The following DLG5 variants were observed in gnomAD, a reference collection of about 807,000 sequenced individuals.
DLG5 encodes discs large MAGUK scaffold protein 5.
DLG5 carries 48 observed loss-of-function variants against 189.8 expected under a neutral mutation model. That is an observed-to-expected ratio of 0.25 (90% CI 0.20 to 0.32). The LOEUF (loss-of-function observed/expected upper bound fraction) is 0.32, where lower values mean the gene tolerates loss of function less well. DLG5 is among the 10% of genes least tolerant of loss of function. The pLI, the probability that DLG5 is intolerant of heterozygous loss-of-function variation, is 1.00. For synonymous variants in DLG5, 1,016 were observed against 1,054.1 expected, an observed-to-expected ratio of 0.96 and a Z score of 0.70; for missense variants, 2,160 against 2,544.7, an observed-to-expected ratio of 0.85 and a Z score of 3.25.
At chr10:77,896,417 G>A (rs1845760751) in intron 1 of DLG5, among the ~76,000 whole-genome samples, 1 of 152,242 alleles carries the variant, frequency 6.6e-6, no homozygotes, top group African/African-American at 2.4e-5. Context: ...GGTGTGTCAT[G>A]TAGGAATATG....
intron 23 of DLG5, among the ~76,000 whole-genome samples, chr10:77,810,366 T>C (rs924266425): frequency 6.6e-6 from 1 of 152,206 alleles, no homozygotes; most frequent in African/African-American, 2.4e-5. Context: ...GTATAGAGAA[T>C]GCAGAGCTGG....
chr10:77,799,912 G>A (rs532491743), intron 27 of DLG5, among the ~76,000 whole-genome samples: 1 of 152,220 alleles, frequency 6.6e-6, no homozygotes, highest in South Asian at 2.1e-4. Context: ...TGCCTGGCCT[G>A]TGGTATTTGG....
intron 5 of DLG5, among the ~76,000 whole-genome samples, chr10:77,850,407 A>C (rs532742271): frequency 6.5e-4 from 99 of 152,376 alleles, no homozygotes; most frequent in African/African-American, 2.4e-3. Flanking sequence ...ATAATATTCC[A>C]TTGTATGGAT....
intron 1 of DLG5, among the ~76,000 whole-genome samples, chr10:77,890,847 G>C (rs1845586107): frequency 6.6e-6 from 1 of 152,114 alleles, no homozygotes; most frequent in African/African-American, 2.4e-5. Flanking sequence ...CAGCTCTCCA[G>C]CCGCAGAATA....
intron 16 of DLG5, 172 bp downstream of exon 16, chr10:77,819,723 G>T: frequency 8.3e-7 from 1 of 1,200,144 alleles, no homozygotes. Context: ...GCTAAGACAT[G>T]TCATGGCTAT....
At chr10:77,852,301 G>A (rs1267143932) in intron 5 of DLG5, among the ~76,000 whole-genome samples, 3 of 152,030 alleles carry the variant, frequency 2.0e-5, no homozygotes, top group South Asian at 2.1e-4. Flanking sequence ...AACCCAGGAC[G>A]CAGAGGTTGC....
At chr10:77,819,211 G>T in intron 17 of DLG5, 110 bp downstream of exon 17, 1 of 1,510,962 alleles carries the variant, frequency 6.6e-7, no homozygotes. Flanking sequence ...CCCCTCCCAG[G>T]CAGGCAAGGA....
chr10:77,904,465 G>A (rs1846016610), intron 1 of DLG5, among the ~76,000 whole-genome samples: 1 of 152,142 alleles, frequency 6.6e-6, no homozygotes, highest in Admixed American at 6.5e-5. Flanking sequence ...GGGGTGGAAT[G>A]ATAATGATTT....
intron 27 of DLG5, among the ~76,000 whole-genome samples, chr10:77,798,934 T>A (rs1168809703): frequency 1.3e-5 from 2 of 152,220 alleles, no homozygotes; most frequent in Non-Finnish European, 2.9e-5. Flanking sequence ...TAATGCAGTG[T>A]AATCCCAGCT....
intron 1 of DLG5, among the ~76,000 whole-genome samples, chr10:77,921,849 A>G (rs1229614701): frequency 6.6e-6 from 1 of 152,190 alleles, no homozygotes; most frequent in East Asian, 1.9e-4. Flanking sequence ...AGTGGGAACG[A>G]GAAGGAAACA....
At chr10:77,928,620 C>G (rs571363132), upstream of DLG5, 1 of 152,244 alleles carries the variant, frequency 6.6e-6, no homozygotes, top group Non-Finnish European at 1.5e-5. Flanking sequence ...ACCTTTCATC[C>G]GGCACCTGTG....
At chr10:77,830,486 A>G in intron 10 of DLG5, 142 bp from the exon 11 acceptor site, 2 of 1,341,488 alleles carry the variant, frequency 1.5e-6, no homozygotes, top group Non-Finnish European at 2.0e-6. Flanking sequence ...CCAGGATGGA[A>G]ACCTATGAGT....
intron 1 of DLG5, among the ~76,000 whole-genome samples, chr10:77,906,162 T>C (rs1472378017): frequency 6.6e-6 from 1 of 152,174 alleles, no homozygotes; most frequent in South Asian, 2.1e-4. Flanking sequence ...CTGACACCCA[T>C]GGGAGGGGCT....
intron 16 of DLG5, 24 bp downstream of exon 16, chr10:77,819,871 C>T (rs369669285): frequency 5.2e-6 from 8 of 1,534,538 alleles, no homozygotes; most frequent in Non-Finnish European, 7.0e-6. Flanking sequence ...ACCCTCAGCC[C>T]CAGCCCCTGG....
At chr10:77,916,103 C>T (rs908882487) in intron 1 of DLG5, among the ~76,000 whole-genome samples, 1 of 151,966 alleles carries the variant, frequency 6.6e-6, no homozygotes, top group Non-Finnish European at 1.5e-5. Flanking sequence ...GCCTGTAGTA[C>T]CAACTACTCA....
intron 1 of DLG5, among the ~76,000 whole-genome samples, chr10:77,871,816 T>C (rs1411361414): frequency 1.3e-5 from 2 of 152,102 alleles, no homozygotes; most frequent in African/African-American, 4.8e-5. Flanking sequence ...GTGCTAGGAT[T>C]ACAGGCATGA....
At chr10:77,852,948 C>A in intron 5 of DLG5, among the ~76,000 whole-genome samples, 1 of 152,114 alleles carries the variant, frequency 6.6e-6, no homozygotes, top group East Asian at 1.9e-4. Context: ...GAAACAGTGC[C>A]AACCCAAGCT....
chr10:77,821,330 G>T lies in DLG5; in HGVS notation c.3154C>A (p.Pro1052Thr). ...SPSTSPPSALPPDVDPGEPMH... is the reference protein window; with the variant it reads ...SPSTSPPSALTPDVDPGEPMH... The stretch of plus-strand genomic sequence containing the variant: ...GGCTCCCCGGGGTCCACGTCAGGGG[G>T]CAGGGCGCTCGGGGGACTAGTGGAT... The change falls in exon 15 of 32, where the codon CCC becomes ACC. Residue 1052 changes from proline to threonine, a missense_variant. Pro to Thr is a conservative substitution (Grantham distance 38). This residue lies in a region of DLG5 where 754 missense variants were observed against 746.5 expected (regional missense o/e 1.01). Coordinates refer to ENST00000372391, the MANE Select transcript of DLG5 (RefSeq NM_004747.4). 6.2e-7 allele frequency: 1 copy of T among 1,613,244 alleles called. No individual in the cohort carries two copies. Among genetic ancestry groups the T allele is most frequent in the Non-Finnish European group, 8.5e-7 (1 of 1,180,024 alleles).
upstream of DLG5, chr10:77,927,541 T>C (rs1846738062): frequency 6.6e-6 from 1 of 152,174 alleles, no homozygotes; most frequent in South Asian, 2.1e-4. Context: ...CGCCAGCATT[T>C]GAGAAGAGCT....
Sources: gnomAD v4.1 joint callset for allele counts (sites outside exome capture counted in the v4.1 genomes callset) on GRCh38, gnomAD v4.1.1 for gene constraint, gnomAD v4.1.1 regional missense constraint, MANE v1.5 for transcripts, NCBI Gene and HGNC (gene_info 2026-07-23, HGNC 2026-07-21) for gene names.